Variants in CTNNA3 observed in about 807,000 individuals in gnomAD.
CTNNA3 encodes catenin alpha 3, also known as catenin alpha-3.
Under a neutral mutation model 95.7 loss-of-function variants are expected in CTNNA3, and 76 were observed. The observed-to-expected ratio is 0.79, with a 90% CI of 0.66 to 0.96. The LOEUF is 0.96. CTNNA3 is among the 40% of genes least tolerant of loss of function. CTNNA3 has a pLI of 0.00. For missense variants in CTNNA3, 1,191 were observed against 1,089.8 expected (o/e 1.09, Z -1.31); for synonymous variants, 431 against 374.4 (o/e 1.15, Z -1.74).
At chr10:66,687,166 A>G (rs1025939632) in intron 9 of CTNNA3, among the ~76,000 whole-genome samples, 5 of 152,182 alleles carry the variant, frequency 3.3e-5, no homozygotes, top group African/African-American at 1.2e-4. Context: ...AAAAGGGTAC[A>G]TTCATTTCCT....
At chr10:66,979,506 C>G (rs1850288362) in intron 7 of CTNNA3, among the ~76,000 whole-genome samples, 1 of 152,048 alleles carries the variant, frequency 6.6e-6, no homozygotes, top group South Asian at 2.1e-4. Context: ...AATTTCGGCC[C>G]AGGGTGCAGA....
chr10:66,826,316 G>A (rs1002338877), intron 7 of CTNNA3, among the ~76,000 whole-genome samples: 10 of 152,048 alleles, frequency 6.6e-5, no homozygotes, highest in Admixed American at 4.6e-4. Flanking sequence ...TTGCCCTGTC[G>A]CCCAGGCTAG....
intron 5 of CTNNA3, among the ~76,000 whole-genome samples, chr10:67,368,005 A>G (rs1037950597): frequency 6.6e-6 from 1 of 152,304 alleles, no homozygotes; most frequent in South Asian, 2.1e-4. Context: ...ACCCTTGTAA[A>G]AAACCTGCGC....
intron 5 of CTNNA3, among the ~76,000 whole-genome samples, chr10:67,356,328 G>C (rs1842805133): frequency 6.6e-6 from 1 of 151,948 alleles, no homozygotes. Flanking sequence ...GTAGAAAACT[G>C]TGTCCCTTCT....
rs142052506 is a variant in CTNNA3, at chr10:67,063,912, T to C, written c.1047+116405A>G. Among the ~76,000 whole-genome samples the C allele has an allele frequency of 2.9e-3, 440 of 152,312 alleles. 1 individual carries two copies. Among genetic ancestry groups the C allele is most frequent in the African/African-American group, 0.01 (416 of 41,578 alleles). On this transcript the variant is annotated intron_variant, in intron 7 of 17. Coordinates refer to ENST00000433211, the MANE Select transcript of CTNNA3 (RefSeq NM_013266.4). Reference sequence around the variant, plus strand: ...CCTCTAGAAGGAAACTGATTTGATATGTTTATGGGTGCATTTACCTTCTGC... The same window carrying C: ...CCTCTAGAAGGAAACTGATTTGATACGTTTATGGGTGCATTTACCTTCTGC...
intron 17 of CTNNA3, among the ~76,000 whole-genome samples, chr10:65,943,478 C>T (rs1202715544): frequency 2.0e-5 from 3 of 152,206 alleles, no homozygotes; most frequent in African/African-American, 7.2e-5. Flanking sequence ...TATGAAGTGA[C>T]ATAGGACAAA....
chr10:67,205,089 T>C (rs1279813632), intron 6 of CTNNA3, among the ~76,000 whole-genome samples: 4 of 152,188 alleles, frequency 2.6e-5, no homozygotes, highest in Non-Finnish European at 5.9e-5. Flanking sequence ...TGGTGGTCTT[T>C]TATTAGCTTT....
rs117356865 is a variant in CTNNA3 at position 66,802,818 on chromosome 10, T to C, written c.1048-27294A>G. 1.3e-3 allele frequency among the ~76,000 whole-genome samples: 190 copies of C among 151,972 alleles called. 5 individuals are homozygous for C. The East Asian group carries it at 0.033, about 27-fold the overall frequency. On this transcript the variant is annotated intron_variant, in intron 7 of 17. Transcript: ENST00000433211. The stretch of plus-strand genomic sequence containing the variant: ...GCCAATTATTAAAATGTTCCAACGA[T>C]TGATATAGCCACGAATGTGGAGGAA...
chr10:67,433,411 T>G (rs527773255), intron 5 of CTNNA3, among the ~76,000 whole-genome samples: 17 of 152,170 alleles, frequency 1.1e-4, no homozygotes, highest in Non-Finnish European at 2.2e-4. Flanking sequence ...TGAAAAATTT[T>G]GAAATATTGC....
At chr10:65,983,596 TATA>T (rs918793157) in intron 16 of CTNNA3, among the ~76,000 whole-genome samples, 12 of 151,604 alleles carry the variant, frequency 7.9e-5, no homozygotes, top group African/African-American at 2.4e-4. Context: ...TAAGAATAGC[TATA>T]ACAATCTTGT....
intron 5 of CTNNA3, among the ~76,000 whole-genome samples, chr10:67,391,295 C>A (rs942617777): frequency 5.9e-5 from 9 of 151,682 alleles, no homozygotes; most frequent in Admixed American, 2.6e-4. Flanking sequence ...TGAGTGAACT[C>A]CCATTCACAA....
chr10:66,893,338 C>T (rs1291057855), intron 7 of CTNNA3, among the ~76,000 whole-genome samples: 1 of 151,908 alleles, frequency 6.6e-6, no homozygotes, highest in Non-Finnish European at 1.5e-5. Context: ...ACAAGTGATC[C>T]CCAGAGAGAA....
chr10:66,706,791 A>G (rs1564630950), intron 9 of CTNNA3, among the ~76,000 whole-genome samples: 2 of 152,142 alleles, frequency 1.3e-5, no homozygotes, highest in Non-Finnish European at 2.9e-5. Context: ...CAGCTTAAAT[A>G]AAAGAGAAGT....
chr10:67,146,139 C>T (rs1860832176), intron 7 of CTNNA3, among the ~76,000 whole-genome samples: 1 of 152,162 alleles, frequency 6.6e-6, no homozygotes, highest in Non-Finnish European at 1.5e-5. Flanking sequence ...TTGAAATTTG[C>T]ATTAAAATAA....
chr10:66,462,131 C>A (rs937867347), intron 11 of CTNNA3, among the ~76,000 whole-genome samples: 1 of 151,828 alleles, frequency 6.6e-6, no homozygotes, highest in Non-Finnish European at 1.5e-5. Context: ...ATTATTAATT[C>A]TAGAAAAAGA....
chr10:66,272,866 C>T (rs906662650), intron 13 of CTNNA3, among the ~76,000 whole-genome samples: 1 of 152,174 alleles, frequency 6.6e-6, no homozygotes, highest in Non-Finnish European at 1.5e-5. Flanking sequence ...CCAGAAACCT[C>T]GGATAGTAAT....
intron 10 of CTNNA3, among the ~76,000 whole-genome samples, chr10:66,585,877 AT>A (rs1452463310): frequency 6.6e-6 from 1 of 151,850 alleles, no homozygotes; most frequent in Non-Finnish European, 1.5e-5. Context: ...GTTCCTTCTC[AT>A]TTGTGTAGGC....
intron 13 of CTNNA3, among the ~76,000 whole-genome samples, chr10:66,184,609 A>G (rs943796714): frequency 1.3e-5 from 2 of 152,206 alleles, no homozygotes; most frequent in Non-Finnish European, 2.9e-5. Context: ...TTCCATAGAT[A>G]TGAAAGTCTT....
intron 5 of CTNNA3, among the ~76,000 whole-genome samples, chr10:67,479,849 A>G (rs1848150703): frequency 6.6e-6 from 1 of 152,190 alleles, no homozygotes; most frequent in Non-Finnish European, 1.5e-5. Flanking sequence ...AGCTAGATTA[A>G]CAAAGAAAAA....
Sources: gnomAD v4.1 joint callset for allele counts (sites outside exome capture counted in the v4.1 genomes callset) on GRCh38, gnomAD v4.1.1 for gene constraint, MANE v1.5 for transcripts, NCBI Gene and HGNC (gene_info 2026-07-23, HGNC 2026-07-21) for gene names.